SPTB: variants seen among roughly 807,000 people sequenced by gnomAD.
SPTB encodes spectrin beta, erythrocytic.
In SPTB, 45 loss-of-function variants were observed where a neutral mutation model predicts 256.2. The ratio of observed to expected loss-of-function variants is 0.18; its 90% CI spans 0.14 to 0.23. The LOEUF (loss-of-function observed/expected upper bound fraction) is 0.23. Among genes scored for constraint, SPTB ranks in the 10% least tolerant of loss-of-function variants. SPTB has a pLI of 1.00. For synonymous variants in SPTB, 1,231 were observed against 1,243.1 expected (o/e 0.99, Z 0.21); for missense variants, 2,715 against 3,040.4 (o/e 0.89, Z 2.52).
chr14:64,799,911 A>G lies in SPTB; in HGVS notation c.900T>C (p.Thr300=), dbSNP rs1566771015. ...VGKVIDHAIE[T]EKMIEKYSGL... ...CGCTGTACTTTTCAATCATCTTCTCAGTCTCAATGGCATGGTCAATAACCT... is the reference window on the plus strand; with the variant it reads ...CGCTGTACTTTTCAATCATCTTCTCGGTCTCAATGGCATGGTCAATAACCT... The change falls in exon 9 of 36, where the codon ACT becomes ACC. Residue 300 remains threonine, a synonymous_variant. Transcript: ENST00000644917. 6.2e-7 allele frequency: 1 copy of G among 1,614,254 alleles called. No individual in the cohort carries two copies. Among genetic ancestry groups the G allele is most frequent in the Non-Finnish European group, 8.5e-7 (1 of 1,180,052 alleles).
chr14:64,836,444 A>G (rs2083523304), intron 1 of SPTB, among the ~76,000 whole-genome samples: 2 of 152,200 alleles, frequency 1.3e-5, no homozygotes, highest in South Asian at 4.1e-4. Flanking sequence ...TTATTTACAA[A>G]TAACATGCAG....
In SPTB at chr14:64,778,832, C is replaced by T. The variant is rs142197717; in HGVS notation, c.4563+325G>A. 1.6e-3 allele frequency among the ~76,000 whole-genome samples: 247 copies of T among 152,174 alleles called. No homozygotes were observed. Among genetic ancestry groups the T allele is most frequent in the African/African-American group, 5.9e-3 (243 of 41,496 alleles). On this transcript the variant is annotated intron_variant, in intron 22 of 35. Coordinates refer to ENST00000644917, the MANE Select transcript of SPTB (RefSeq NM_001355436.2). The surrounding 1 kb of genome is among the most constrained non-coding windows in gnomAD (Gnocchi z 5.2). The stretch of plus-strand genomic sequence containing the variant: ...CTCTCAGGCAGACCACTGGATACAC[C>T]GAATACACAGCTACTGAAGCACATC...
chr14:64,796,776 T>A lies in SPTB; in HGVS notation c.1183-61A>T, dbSNP rs1594786376. Reference sequence around the variant, plus strand: ...AGGAGAAATGCCTCACTTTGGGGGCTCCACCCCTTTCACCCAACACTGAGT... The same window carrying A: ...AGGAGAAATGCCTCACTTTGGGGGCACCACCCCTTTCACCCAACACTGAGT... On this transcript the variant is annotated intron_variant, in intron 10 of 35. Coordinates refer to ENST00000644917, the MANE Select transcript of SPTB (RefSeq NM_001355436.2). The surrounding 1 kb of genome is among the most constrained non-coding windows in gnomAD (Gnocchi z 4.1). 6.2e-7 allele frequency: 1 copy of A among 1,602,714 alleles called. No individual in the cohort carries two copies. The highest frequency in any genetic ancestry group is 2.2e-5 in the East Asian group (1 of 44,838).
intron 1 of SPTB, among the ~76,000 whole-genome samples, chr14:64,860,262 G>A (rs1471113303): frequency 6.6e-6 from 1 of 152,204 alleles, no homozygotes; most frequent in Non-Finnish European, 1.5e-5. Context: ...TCAACCGGGA[G>A]TCTCATCTTT....
chr14:64,782,766 A>G (rs974885177), intron 19 of SPTB, among the ~76,000 whole-genome samples: 1 of 151,330 alleles, frequency 6.6e-6, no homozygotes, highest in South Asian at 2.1e-4. Context: ...CTTTGGAAGA[A>G]GAATTGTCTT....
At chr14:64,855,030 G>A (rs929005349) in intron 1 of SPTB, among the ~76,000 whole-genome samples, 3 of 152,090 alleles carry the variant, frequency 2.0e-5, no homozygotes, top group Admixed American at 1.3e-4. Flanking sequence ...GCAACTCGCC[G>A]GAAAACAAGT....
chr14:64,872,905 G>A (rs1416514639), intron 1 of SPTB, among the ~76,000 whole-genome samples: 2 of 152,200 alleles, frequency 1.3e-5, no homozygotes, highest in Non-Finnish European at 2.9e-5. Flanking sequence ...TTTGCCTTCT[G>A]CCATGATTGT....
At chr14:64,751,927 C>CAAAAAAAAAAGAAAAAAAAAA (rs2081955946) in intron 33 of SPTB, among the ~76,000 whole-genome samples, 1 of 71,940 alleles carries the variant, frequency 1.4e-5, no homozygotes, top group Non-Finnish European at 2.9e-5. Context: ...ACTAAAAATG[C>CAAAAAAAAAAGAAAAAAAAAA]AAAAAAAAAA....
At chr14:64,797,176 A>C (rs1329489426) in intron 10 of SPTB, among the ~76,000 whole-genome samples, 1 of 152,184 alleles carries the variant, frequency 6.6e-6, no homozygotes, top group Non-Finnish European at 1.5e-5. Flanking sequence ...CTGGCTCCAA[A>C]AAAATGGACT....
chr14:64,862,535 A>G (rs776044441), intron 1 of SPTB, among the ~76,000 whole-genome samples: 2 of 152,106 alleles, frequency 1.3e-5, no homozygotes, highest in Non-Finnish European at 2.9e-5. Context: ...TTTTAGAATT[A>G]TTCTTAATTT....
At chr14:64,818,452 A>G (rs138853219) in intron 2 of SPTB, among the ~76,000 whole-genome samples, 16 of 152,268 alleles carry the variant, frequency 1.1e-4, no homozygotes, top group Middle Eastern at 3.4e-3. Context: ...GCTCATGCAC[A>G]GGGCTTCTCT....
intron 1 of SPTB, among the ~76,000 whole-genome samples, chr14:64,829,881 G>A (rs868667249): frequency 6.6e-6 from 1 of 152,006 alleles, no homozygotes; most frequent in Non-Finnish European, 1.5e-5. Context: ...TAGGTAACCT[G>A]CCAGCCTTCT....
At chr14:64,783,022 C>T (rs1370977219) in intron 19 of SPTB, among the ~76,000 whole-genome samples, 4 of 152,024 alleles carry the variant, frequency 2.6e-5, no homozygotes, top group African/African-American at 9.7e-5. Context: ...GATTCCAGAC[C>T]CATCCAGGTA....
At chr14:64,787,222 T>G in intron 15 of SPTB, 62 bp from the exon 16 acceptor site, 1 of 1,589,700 alleles carries the variant, frequency 6.3e-7, no homozygotes, top group Non-Finnish European at 8.5e-7. Flanking sequence ...CTTCTTCCCA[T>G]AGGAGACCCT....
In SPTB at chr14:64,793,260, G is replaced by A; in HGVS notation, c.2403C>T (p.His801=). The A allele has an allele frequency of 1.9e-6, 3 of 1,607,576 alleles. No individual in the cohort carries two copies. Among genetic ancestry groups the A allele is most frequent in the Non-Finnish European group, 2.5e-6 (3 of 1,180,010 alleles). ...ELEESRGVME[H]LEQQAQGFPE... is the part of the protein sequence containing the mutation. ...GGAATCCCTGGGCCTGCTGCTCCAGGTGCTCCATCACCCCACGGCTCTCCT... is the reference window on the plus strand; with the variant it reads ...GGAATCCCTGGGCCTGCTGCTCCAGATGCTCCATCACCCCACGGCTCTCCT... The change falls in exon 14 of 36, where the codon CAC becomes CAT. Residue 801 remains histidine (H), a synonymous_variant. Coordinates refer to ENST00000644917, the MANE Select transcript of SPTB (RefSeq NM_001355436.2). This position sits in a 1 kb window ranked among gnomAD's most constrained non-coding sequence, Gnocchi z 7.0.
chr14:64,828,780 C>G (rs912702342), intron 1 of SPTB, among the ~76,000 whole-genome samples: 5 of 152,122 alleles, frequency 3.3e-5, no homozygotes, highest in African/African-American at 1.2e-4. Flanking sequence ...TTCCCTTATT[C>G]CATGAGGACT....
chr14:64,834,300 T>G (rs1373444832), intron 1 of SPTB, among the ~76,000 whole-genome samples: 1 of 152,086 alleles, frequency 6.6e-6, no homozygotes, highest in African/African-American at 2.4e-5. Context: ...GTGCTGGGAT[T>G]ACAGTTGTGA....
In SPTB at chr14:64,805,304, C is replaced by T. The variant is rs146779332; in HGVS notation, c.149-214G>A. 7.9e-5 allele frequency among the ~76,000 whole-genome samples: 12 copies of T among 152,306 alleles called. 1 individual carries two copies. In the East Asian group the frequency reaches 2.1e-3, roughly 27 times the overall value. On this transcript the variant is annotated intron_variant, in intron 2 of 35. Transcript: ENST00000644917. ...GAACAGAGGCAATAAGGAGATCACT[C>T]GCACTGCCACCATATTCTATGCACA...
chr14:64,752,460 T>C, intron 33 of SPTB: 2 of 380,856 alleles, frequency 5.3e-6, no homozygotes, highest in South Asian at 3.8e-5. Flanking sequence ...CAGGGATCTT[T>C]CCTCTGGCAG....
Sources: gnomAD v4.1 joint callset for allele counts (sites outside exome capture counted in the v4.1 genomes callset) on GRCh38, gnomAD v4.1.1 for gene constraint, Gnocchi (gnomAD v3.1) non-coding constraint, MANE v1.5 for transcripts, NCBI Gene and HGNC (gene_info 2026-07-23, HGNC 2026-07-21) for gene names.